The following DMD variants were observed in gnomAD, a reference collection of about 807,000 sequenced individuals.
DMD encodes mutant dystrophin.
DMD carries 63 observed loss-of-function variants against 330.1 expected under a neutral mutation model. The observed-to-expected ratio is 0.19, with a 90% CI of 0.16 to 0.24. The LOEUF (loss-of-function observed/expected upper bound fraction) is 0.24. DMD is among the 10% of genes least tolerant of loss of function. The pLI is 1.00. For missense variants in DMD, 3,344 were observed against 2,684.1 expected (o/e 1.25, Z -5.43); for synonymous variants, 1,223 against 959.8 (o/e 1.27, Z -5.07).
intron 1 of DMD, among the ~76,000 whole-genome samples, chrX:33,275,369 T>C (rs766940784): frequency 1.2e-4 from 13 of 112,086 alleles, no homozygotes; most frequent in African/African-American, 4.2e-4. Flanking sequence ...CCTTTTAACT[T>C]TGGCTTTTCT....
At chrX:33,271,355 A>T (rs985335239) in intron 1 of DMD, among the ~76,000 whole-genome samples, 4 of 111,736 alleles carry the variant, frequency 3.6e-5, no homozygotes, top group Non-Finnish European at 5.6e-5. Context: ...AACTAAAAAA[A>T]AAAAAGCAAA....
intron 62 of DMD, among the ~76,000 whole-genome samples, chrX:31,306,598 C>T (rs1451443243): frequency 8.9e-6 from 1 of 111,765 alleles, no homozygotes; most frequent in Non-Finnish European, 1.9e-5. Context: ...TTTATCATTT[C>T]TCTATTTTTT....
intron 49 of DMD, among the ~76,000 whole-genome samples, chrX:31,831,668 A>C (rs759474029): frequency 1.8e-4 from 20 of 111,212 alleles, no homozygotes; most frequent in Non-Finnish European, 3.2e-4. Flanking sequence ...GCGTGATCTC[A>C]GCTCACTGCA....
chrX:32,545,098 A>C (rs2048844184), intron 17 of DMD, 61 bp downstream of exon 17: 1 of 1,104,452 alleles, frequency 9.1e-7, no homozygotes, highest in Admixed American at 2.2e-5. Context: ...ACCACCAACA[A>C]AACTGCTGTA....
intron 2 of DMD, among the ~76,000 whole-genome samples, chrX:32,992,907 A>C (rs1211839990): frequency 2.7e-5 from 2 of 75,231 alleles, no homozygotes; most frequent in Admixed American, 2.7e-4. Flanking sequence ...GCTCTGTCTC[A>C]AAAAAAAAAA....
intron 67 of DMD, among the ~76,000 whole-genome samples, chrX:31,194,991 A>C (rs2042737765): frequency 8.9e-6 from 1 of 112,057 alleles, no homozygotes; most frequent in South Asian, 3.7e-4. Flanking sequence ...TGAGTTTAAG[A>C]GTCCCCACAT....
intron 43 of DMD, among the ~76,000 whole-genome samples, chrX:32,271,406 A>T (rs2097364730): frequency 8.9e-6 from 1 of 112,593 alleles, no homozygotes; most frequent in Admixed American, 9.4e-5. Flanking sequence ...CTCTCAAAAA[A>T]CCACATCTGT....
intron 2 of DMD, among the ~76,000 whole-genome samples, chrX:32,866,992 C>T (rs1455894145): frequency 9.0e-6 from 1 of 111,358 alleles, no homozygotes; most frequent in African/African-American, 3.3e-5. Context: ...CCTCGGCCTC[C>T]CAAAGTGCTG....
At chrX:33,334,134 G>A (rs1317864861) in intron 1 of DMD, among the ~76,000 whole-genome samples, 1 of 111,384 alleles carries the variant, frequency 9.0e-6, no homozygotes, top group Non-Finnish European at 1.9e-5. Context: ...GTCAAACTAG[G>A]CAGATATTAT....
intron 61 of DMD, among the ~76,000 whole-genome samples, chrX:31,342,936 C>T (rs1456852561): frequency 9.0e-6 from 1 of 111,067 alleles, no homozygotes; most frequent in Non-Finnish European, 1.9e-5. Flanking sequence ...GCCACCACGC[C>T]CAGCTAATTT....
intron 44 of DMD, among the ~76,000 whole-genome samples, chrX:32,093,669 G>C (rs2096489231): frequency 9.0e-6 from 1 of 111,473 alleles, no homozygotes; most frequent in Non-Finnish European, 1.9e-5. Context: ...AGCATACTAT[G>C]TAGTATGTCA....
intron 42 of DMD, among the ~76,000 whole-genome samples, chrX:32,297,260 T>TTTATTTATTTA (rs1557267387): frequency 1.1e-5 from 1 of 90,945 alleles, no homozygotes; most frequent in Non-Finnish European, 2.3e-5. Context: ...TATTTATTTA[T>TTTATTTATTTA]TTATTTATTT....
At chrX:33,337,889 AC>A (rs2054277331) in intron 1 of DMD, among the ~76,000 whole-genome samples, 2 of 111,996 alleles carry the variant, frequency 1.8e-5, no homozygotes, top group South Asian at 7.4e-4. Flanking sequence ...TACAATTACT[AC>A]AGAAAAGGCA....
chrX:31,762,367 G>A (rs989134940), intron 51 of DMD, among the ~76,000 whole-genome samples: 5 of 109,185 alleles, frequency 4.6e-5, no homozygotes, highest in African/African-American at 1.7e-4. Context: ...TCAGGAGATC[G>A]AGACCATCCT....
At chrX:32,917,167 C>G (rs866008100) in intron 2 of DMD, among the ~76,000 whole-genome samples, 2 of 100,277 alleles carry the variant, frequency 2.0e-5, no homozygotes, top group East Asian at 3.2e-4. Context: ...CTTCCCCCCC[C>G]CCCACATCCC....
At position 31,417,500 on chromosome X, in the gene DMD, A is replaced by G. The variant is rs776703385; in HGVS notation, c.9084+26981T>C. On this transcript the variant is annotated intron_variant, in intron 60 of 78. Transcript: ENST00000357033. ...AGAGACGAGTTTCACCATGTTGGCC[A>G]GGATGGCACCAAGCCTATAATTTCT... Among the ~76,000 whole-genome samples the G allele has an allele frequency of 1.1e-4, 12 of 109,748 alleles. No individual in the cohort carries two copies. In the South Asian group the frequency reaches 4.8e-3, roughly 44 times the overall value.
At chrX:33,249,374 C>T (rs1277974468) in intron 1 of DMD, among the ~76,000 whole-genome samples, 1 of 111,634 alleles carries the variant, frequency 9.0e-6, no homozygotes, top group Non-Finnish European at 1.9e-5. Context: ...TGGTCTCGAA[C>T]TCCTGACCTT....
At chrX:33,269,775 A>G (rs2053120601) in intron 1 of DMD, among the ~76,000 whole-genome samples, 1 of 110,686 alleles carries the variant, frequency 9.0e-6, no homozygotes, top group Admixed American at 9.7e-5. Flanking sequence ...AATCATCAAG[A>G]GTCTGATGGG....
At chrX:33,098,876 A>G (rs1484228088) in intron 1 of DMD, among the ~76,000 whole-genome samples, 1 of 111,578 alleles carries the variant, frequency 9.0e-6, no homozygotes, top group Non-Finnish European at 1.9e-5. Flanking sequence ...GCAACTTAGA[A>G]CTTTTCAAAA....
Sources: gnomAD v4.1 joint callset for allele counts (sites outside exome capture counted in the v4.1 genomes callset) on GRCh38, gnomAD v4.1.1 for gene constraint, MANE v1.5 for transcripts, NCBI Gene and HGNC (gene_info 2026-07-23, HGNC 2026-07-21) for gene names.